Variants in SMG1 observed in about 807,000 individuals in gnomAD.
SMG1 encodes serine/threonine-protein kinase SMG1.
Under a neutral mutation model 419.9 loss-of-function variants are expected in SMG1, and 22 were observed. The observed-to-expected ratio is 0.05, with a 90% CI of 0.04 to 0.07. The LOEUF is 0.07. SMG1 is among the 10% of genes least tolerant of loss of function. The pLI, the probability that SMG1 is intolerant of heterozygous loss-of-function variation, is 1.00. For missense variants in SMG1, 3,185 were observed against 4,342.0 expected, an observed-to-expected ratio of 0.73 and a Z score of 7.49; for synonymous variants, 1,538 against 1,553.5, an observed-to-expected ratio of 0.99 and a Z score of 0.23.
intron 1 of SMG1, among the ~76,000 whole-genome samples, chr16:18,919,095 G>A (rs1190540271): frequency 6.6e-6 from 1 of 152,116 alleles, no homozygotes; most frequent in Non-Finnish European, 1.5e-5. Context: ...GGGAGGCCAA[G>A]ACAGGCATAT....
At chr16:18,875,981 T>C in intron 13 of SMG1, 143 bp downstream of exon 13, 2 of 821,024 alleles carry the variant, frequency 2.4e-6, no homozygotes, top group Non-Finnish European at 3.9e-6. Flanking sequence ...CCAATTTTAT[T>C]TATCCAGGCA....
intron 1 of SMG1, among the ~76,000 whole-genome samples, chr16:18,914,566 C>A (rs1307877958): frequency 6.6e-6 from 1 of 152,054 alleles, no homozygotes; most frequent in Non-Finnish European, 1.5e-5. Flanking sequence ...CGCCTGTAAT[C>A]CCAGCTACTC....
At chr16:18,916,152 C>T (rs1300319118) in intron 1 of SMG1, among the ~76,000 whole-genome samples, 2 of 147,432 alleles carry the variant, frequency 1.4e-5, no homozygotes, top group Non-Finnish European at 3.0e-5. Context: ...AAAGAAGCAC[C>T]ACAATAGAAT....
At chr16:18,858,910 AC>A (rs2035061974) in intron 28 of SMG1, 111 bp downstream of exon 28, 1 of 786,410 alleles carries the variant, frequency 1.3e-6, no homozygotes. Flanking sequence ...TTCTGGATCT[AC>A]TAGCTTGCCC....
chr16:18,910,601 G>T (rs1160821457), intron 1 of SMG1, among the ~76,000 whole-genome samples: 1 of 151,972 alleles, frequency 6.6e-6, no homozygotes. Context: ...CTGGGCTCAA[G>T]TGATCCACCC....
chr16:18,847,283 T>C (rs1295535789), intron 38 of SMG1, among the ~76,000 whole-genome samples, 170 bp downstream of exon 38: 1 of 152,216 alleles, frequency 6.6e-6, no homozygotes, highest in Non-Finnish European at 1.5e-5. Flanking sequence ...CTGCTTAATA[T>C]AATGAATAAG....
intron 1 of SMG1, among the ~76,000 whole-genome samples, chr16:18,917,920 T>C (rs916580979): frequency 6.6e-5 from 10 of 151,714 alleles, no homozygotes; most frequent in Non-Finnish European, 7.4e-5. Flanking sequence ...CTTCCTAAAT[T>C]GTGCCACTCT....
chr16:18,875,251 T>C (rs1369603531), intron 13 of SMG1: 2 of 152,604 alleles, frequency 1.3e-5, no homozygotes, highest in African/African-American at 2.4e-5. Flanking sequence ...ATTTTAGATT[T>C]AGGATTTTCA....
At chr16:18,898,205 C>G (rs1284658731) in intron 1 of SMG1, among the ~76,000 whole-genome samples, 1 of 152,196 alleles carries the variant, frequency 6.6e-6, no homozygotes, top group Non-Finnish European at 1.5e-5. Flanking sequence ...ATACAGAATG[C>G]AGACAACAGG....
At chr16:18,913,679 C>G (rs1167772202) in intron 1 of SMG1, among the ~76,000 whole-genome samples, 1 of 151,818 alleles carries the variant, frequency 6.6e-6, no homozygotes, top group African/African-American at 2.4e-5. Flanking sequence ...CCTGTAGGTT[C>G]CCAAAGACAT....
intron 1 of SMG1, among the ~76,000 whole-genome samples, chr16:18,920,351 C>T (rs945922417): frequency 6.8e-6 from 1 of 146,060 alleles, no homozygotes; most frequent in African/African-American, 2.6e-5. Flanking sequence ...CATTGCACTC[C>T]AGCCTGGACA....
In SMG1 at chr16:18,839,924, G is replaced by T; in HGVS notation, c.6719C>A (p.Pro2240His). 1 of 1,599,550 alleles carries T rather than the reference G, an allele frequency of 6.3e-7. No individual in the cohort carries two copies. The highest frequency in any genetic ancestry group is 2.3e-5 in the East Asian group (1 of 44,358). Reference sequence around the variant, plus strand: ...ACGGGGTACAATTCCAGGATTCTGAGGAGTTTGGTAGGAATCTTGGGCCTT... The same window carrying T: ...ACGGGGTACAATTCCAGGATTCTGATGAGTTTGGTAGGAATCTTGGGCCTT... ...AQKAQDSYQT[P>H]QNPGIVPRPS... The change falls in exon 42 of 63, where the codon CCT (proline) becomes CAT (histidine). Residue 2240 changes from proline (P) to histidine (H), a missense_variant. Transcript: ENST00000446231.
chr16:18,880,496 T>C (rs1596584075), intron 10 of SMG1, among the ~76,000 whole-genome samples: 1 of 152,098 alleles, frequency 6.6e-6, no homozygotes, highest in Admixed American at 6.5e-5. Context: ...AAGGTTCTCT[T>C]GAGTCCAGGA....
intron 39 of SMG1, among the ~76,000 whole-genome samples, chr16:18,844,949 C>T (rs1408579783): frequency 6.6e-6 from 1 of 152,208 alleles, no homozygotes; most frequent in Admixed American, 6.5e-5. Context: ...TGTGAATACA[C>T]TAATCATCCC....
intron 51 of SMG1, among the ~76,000 whole-genome samples, chr16:18,832,253 G>C (rs1391224016): frequency 6.6e-6 from 1 of 152,178 alleles, no homozygotes. Context: ...TAGGCACAAA[G>C]AAGCTTAGGG....
intron 16 of SMG1, 104 bp from the exon 17 acceptor site, chr16:18,870,992 T>C: frequency 2.9e-6 from 2 of 693,318 alleles, no homozygotes; most frequent in South Asian, 1.8e-5. Context: ...AAAGAGTGAG[T>C]GCCTACTATA....
intron 11 of SMG1, chr16:18,877,866 TAAA>T (rs2036209929): frequency 6.6e-6 from 1 of 152,138 alleles, no homozygotes; most frequent in Non-Finnish European, 1.5e-5. Context: ...TTCACATTAG[TAAA>T]AAGAGGTGTA....
chr16:18,896,460 G>GT (rs2037132441), intron 2 of SMG1, among the ~76,000 whole-genome samples: 1 of 152,128 alleles, frequency 6.6e-6, no homozygotes, highest in Non-Finnish European at 1.5e-5. Flanking sequence ...ATCAAATTTT[G>GT]TACCTTGTTT....
At position 18,926,218 on chromosome 16, in the gene SMG1, G is replaced by A. The variant is rs1462872621; in HGVS notation, c.-177C>T. ...CGGCGGAGGGCGGGGGAAGAGGACG[G>A]CCGTTCCGGGTTCCGCCTGAGCCCG... On this transcript the variant is annotated 5_prime_UTR_variant, in exon 1 of 63. Coordinates refer to ENST00000446231, the MANE Select transcript of SMG1 (RefSeq NM_015092.5). The A allele has an allele frequency of 3.2e-5, 19 of 586,194 alleles. No individual in the cohort carries two copies. Among genetic ancestry groups the A allele is most frequent in the Non-Finnish European group, 4.6e-5 (16 of 345,114 alleles). 36.3% of individuals were successfully genotyped at this position (586,194 alleles called of 1,614,324 possible). A position where few individuals can be genotyped will look rare whatever the true frequency, so the allele number is the denominator to read the frequency against.
Sources: gnomAD v4.1 joint callset for allele counts (sites outside exome capture counted in the v4.1 genomes callset) on GRCh38, gnomAD v4.1.1 for gene constraint, MANE v1.5 for transcripts, NCBI Gene and HGNC (gene_info 2026-07-23, HGNC 2026-07-21) for gene names.